Variants in GLDN observed in about 807,000 individuals in gnomAD.
GLDN encodes gliomedin, also known as collomin.
Under a neutral mutation model 56.5 loss-of-function variants are expected in GLDN, and 47 were observed. The observed-to-expected ratio is 0.83, with a 90% CI of 0.66 to 1.06. The LOEUF (loss-of-function observed/expected upper bound fraction) is 1.06, where lower values mean the gene tolerates loss of function less well. GLDN is among the 50% of genes least tolerant of loss of function. The probability of loss-of-function intolerance (pLI) is 0.00; values close to 1 mark genes in which losing one functional copy is unlikely to be tolerated. For synonymous variants in GLDN, 332 were observed against 278.8 expected (o/e 1.19, Z -1.90); for missense variants, 782 against 714.3 (o/e 1.09, Z -1.08).
At chr15:51,393,012 A>C (rs2038054375) in intron 4 of GLDN, among the ~76,000 whole-genome samples, 1 of 152,196 alleles carries the variant, frequency 6.6e-6, no homozygotes, top group Non-Finnish European at 1.5e-5. Flanking sequence ...GATATTAGGG[A>C]GAAAACATTC....
chr15:51,358,529 G>A (rs936714842), intron 1 of GLDN, among the ~76,000 whole-genome samples: 8 of 152,172 alleles, frequency 5.3e-5, no homozygotes, highest in African/African-American at 1.4e-4. Context: ...AAACAAGTGC[G>A]GGCAAAACTG....
chr15:51,406,001 T>C lies in GLDN; in HGVS notation c.*1247T>C, dbSNP rs1040521583. 3.3e-5 allele frequency: 5 copies of C among 152,172 alleles called. No individual in the cohort carries two copies. The highest frequency in any genetic ancestry group is 5.9e-5 in the Non-Finnish European group (4 of 68,024). The allele number at this position is 152,172 out of a possible 1,614,324, so 9.4% of individuals were successfully genotyped here. ...GATTGCTGACTCCTGATAAAGAATA[T>C]AAAGTGAGCCTGATTCTTGAAAAAA... On this transcript the variant is annotated 3_prime_UTR_variant, in exon 10 of 10. Transcript: ENST00000335449.
chr15:51,408,090 T>C (rs2038422620), downstream of GLDN: 1 of 152,234 alleles, frequency 6.6e-6, no homozygotes, highest in Non-Finnish European at 1.5e-5. Flanking sequence ...AATATTGTGG[T>C]AGAATTATAT....
chr15:51,356,676 C>T (rs1432056832), intron 1 of GLDN, among the ~76,000 whole-genome samples: 1 of 152,142 alleles, frequency 6.6e-6, no homozygotes, highest in Non-Finnish European at 1.5e-5. Flanking sequence ...TGACCTTCGG[C>T]AGGTCACTCA....
At chr15:51,403,028 C>T (rs898150287) in intron 9 of GLDN, among the ~76,000 whole-genome samples, 7 of 152,156 alleles carry the variant, frequency 4.6e-5, no homozygotes, top group African/African-American at 7.2e-5. Context: ...TATTGCCACA[C>T]GGAGGTGGCG....
At chr15:51,357,503 G>A (rs2037208341) in intron 1 of GLDN, among the ~76,000 whole-genome samples, 1 of 152,216 alleles carries the variant, frequency 6.6e-6, no homozygotes, top group Non-Finnish European at 1.5e-5. Flanking sequence ...AGTGACAAGT[G>A]CAGCCATCTG....
downstream of GLDN, among the ~76,000 whole-genome samples, chr15:51,410,160 C>A (rs550007060): frequency 5.5e-4 from 83 of 152,206 alleles, no homozygotes; most frequent in Non-Finnish European, 1.1e-3. Context: ...AATCTGCACA[C>A]GTGATTTCAC....
intron 4 of GLDN, chr15:51,385,330 A>G (rs2037866719): frequency 6.6e-6 from 1 of 152,146 alleles, no homozygotes; most frequent in African/African-American, 2.4e-5. Context: ...GTGGTTTTCA[A>G]AAAGGCTTGA....
intron 2 of GLDN, among the ~76,000 whole-genome samples, chr15:51,378,736 C>T (rs1297960911): frequency 6.6e-6 from 1 of 152,154 alleles, no homozygotes; most frequent in African/African-American, 2.4e-5. Flanking sequence ...CCTCCTTTTG[C>T]ACAGAAAGTT....
intron 1 of GLDN, among the ~76,000 whole-genome samples, chr15:51,358,854 C>T (rs1286516239): frequency 6.6e-6 from 1 of 152,136 alleles, no homozygotes; most frequent in African/African-American, 2.4e-5. Flanking sequence ...CATGGCCACC[C>T]GAGGGAAGTA....
At chr15:51,394,810 A>G in intron 4 of GLDN, 25 bp from the exon 5 acceptor site, 1 of 1,613,740 alleles carries the variant, frequency 6.2e-7, no homozygotes, top group Non-Finnish European at 8.5e-7. Flanking sequence ...CCATAGGCTA[A>G]TATGTCTTTT....
At chr15:51,355,674 C>T (rs991765578) in intron 1 of GLDN, among the ~76,000 whole-genome samples, 2 of 151,044 alleles carry the variant, frequency 1.3e-5, no homozygotes, top group Non-Finnish European at 3.0e-5. Context: ...CAGGCACGCA[C>T]CAACACACCC....
intron 1 of GLDN, among the ~76,000 whole-genome samples, chr15:51,359,618 G>A (rs1455166147): frequency 1.3e-5 from 2 of 152,246 alleles, no homozygotes; most frequent in Middle Eastern, 3.4e-3. Flanking sequence ...AGTGATGTCC[G>A]CCATAACACA....
rs2445768 is a variant in GLDN, at chr15:51,343,183, A to T, written c.363+1136A>T. ...CCGTTATCACAGAAGCTTTTAAATA[A>T]CTTACATGAGCTGAAATGCTTTTAA... is the stretch of plus-strand genomic sequence containing the variant. On this transcript the variant is annotated intron_variant, in intron 1 of 9. Coordinates refer to ENST00000335449, the MANE Select transcript of GLDN (RefSeq NM_181789.4). Among the ~76,000 whole-genome samples, 11 of 152,190 alleles carry T rather than the reference A, an allele frequency of 7.2e-5. No individual in the cohort carries two copies. In the East Asian group the frequency reaches 2.1e-3, roughly 29 times the overall value.
intron 1 of GLDN, among the ~76,000 whole-genome samples, chr15:51,359,883 G>T (rs2037257575): frequency 6.6e-6 from 1 of 150,562 alleles, no homozygotes; most frequent in South Asian, 2.1e-4. Context: ...GGAGGCTGAG[G>T]CAGGAGAATG....
At chr15:51,393,174 A>G (rs2038057215) in intron 4 of GLDN, among the ~76,000 whole-genome samples, 1 of 152,180 alleles carries the variant, frequency 6.6e-6, no homozygotes, top group Non-Finnish European at 1.5e-5. Context: ...CATTGAGATG[A>G]TCATATAATT....
At chr15:51,345,706 C>A (rs543438590) in intron 1 of GLDN, among the ~76,000 whole-genome samples, 3 of 152,294 alleles carry the variant, frequency 2.0e-5, no homozygotes, top group Admixed American at 1.3e-4. Context: ...GACAGGGATG[C>A]CCACTATCAC....
chr15:51,383,290 T>C, intron 2 of GLDN, 146 bp from the exon 3 acceptor site: 1 of 858,854 alleles, frequency 1.2e-6, no homozygotes, highest in Non-Finnish European at 1.9e-6. Flanking sequence ...AAAGGGTCTT[T>C]TGGCCAAATA....
downstream of GLDN, among the ~76,000 whole-genome samples, chr15:51,408,720 C>T (rs1169688052): frequency 1.3e-5 from 2 of 152,068 alleles, no homozygotes; most frequent in African/African-American, 2.4e-5. Context: ...TGTGGTGTTC[C>T]CCACCCTGTG....
Sources: allele counts gnomAD v4.1 joint callset (sites outside exome capture counted in the v4.1 genomes callset), GRCh38; gene constraint gnomAD v4.1.1; transcripts MANE v1.5; gene names NCBI Gene and HGNC (gene_info 2026-07-23, HGNC 2026-07-21).